The following BFSP1 variants were observed in gnomAD, a reference collection of about 807,000 sequenced individuals.
BFSP1 encodes the protein filensin.
A neutral mutation model predicts 43.9 loss-of-function variants in BFSP1; 38 were observed. That is an observed-to-expected ratio of 0.87 (90% CI 0.67 to 1.14). BFSP1 has a LOEUF of 1.14. BFSP1 is among the 50% of genes most tolerant of loss of function. The pLI, the probability that BFSP1 is intolerant of heterozygous loss-of-function variation, is 0.00. For missense variants in BFSP1, 850 were observed against 875.1 expected (o/e 0.97, Z 0.36); for synonymous variants, 352 against 354.8 (o/e 0.99, Z 0.09).
intron 2 of BFSP1, chr20:17,516,885 C>A: frequency 1.5e-6 from 1 of 673,984 alleles, no homozygotes. Context: ...GACCATCACC[C>A]TCAAGGTTGA....
At chr20:17,558,688 A>G (rs1568720955) in exon 1 of BFSP1, 6 of 1,551,998 alleles carry the variant, frequency 3.9e-6, no homozygotes, top group Admixed American at 2.0e-5. Flanking sequence ...GAACACTTAC[A>G]TACTTTCTCC....
upstream of BFSP1, among the ~76,000 whole-genome samples, chr20:17,559,809 G>A (rs150451639): frequency 1.3e-5 from 2 of 151,838 alleles, no homozygotes; most frequent in African/African-American, 2.4e-5. Context: ...CCAATCCCCC[G>A]CCAACCATCC....
upstream of BFSP1, among the ~76,000 whole-genome samples, chr20:17,561,442 C>T (rs1182445733): frequency 6.6e-6 from 1 of 151,280 alleles, no homozygotes; most frequent in East Asian, 1.9e-4. Flanking sequence ...GAGGTTGCAG[C>T]GAGCCCAGAT....
In BFSP1 at chr20:17,499,002, C is replaced by T; in HGVS notation, c.774G>A (p.Glu258=). 1.6e-5 allele frequency: 26 copies of T among 1,614,170 alleles called. No homozygotes were observed. Among genetic ancestry groups the T allele is most frequent in the Non-Finnish European group, 2.2e-5 (26 of 1,180,032 alleles). Residue 258 remains glutamate, a synonymous_variant, in exon 6 of 8, where the codon GAG becomes GAA. Coordinates refer to ENST00000377873, the MANE Select transcript of BFSP1 (RefSeq NM_001195.5). ...TLEQAIKSAH[E]CYDDEIQLYN... Reference sequence around the variant, plus strand: ...AAAGCTGAATCTCATCGTCATAACACTCATGGGCACTTTTAATAGCTTGTT... The same window carrying T: ...AAAGCTGAATCTCATCGTCATAACATTCATGGGCACTTTTAATAGCTTGTT...
In BFSP1 at chr20:17,508,977, C is replaced by A; in HGVS notation, c.647G>T (p.Arg216Leu). Residue 216 changes from arginine (R) to leucine (L), a missense_variant, in exon 5 of 8, where the codon CGG (arginine) becomes CTG (leucine). By Grantham distance (102) the Arg-to-Leu change is moderately radical. Coordinates refer to ENST00000377873, the MANE Select transcript of BFSP1 (RefSeq NM_001195.5). Reference protein sequence around the residue: ...GMREEKLLTEREVAALRSQLE... With the variant: ...GMREEKLLTELEVAALRSQLE... ...CTGACTCCGCAGGGCGGCCACCTCC[C>A]GCTCCGTCAGGAGCTTCTCCTGCAC... 6.3e-7 allele frequency: 1 copy of A among 1,592,630 alleles called. No individual in the cohort carries two copies. The highest frequency in any genetic ancestry group is 2.3e-5 in the East Asian group (1 of 43,792).
At position 17,525,050 on chromosome 20, in the gene BFSP1, G is replaced by T; in HGVS notation, c.378-142C>A. On this transcript the variant is annotated intron_variant, in intron 1 of 7. Coordinates refer to ENST00000377873, the MANE Select transcript of BFSP1 (RefSeq NM_001195.5). This position sits in a 1 kb window ranked among gnomAD's most constrained non-coding sequence, Gnocchi z 4.2. ...TCTTAATTTTAAAGTAGTAGCTAAC[G>T]AATGCTGCATTTCCTAGCTGACTGC... The T allele has an allele frequency of 1.4e-6, 1 of 732,398 alleles. No individual in the cohort carries two copies. The allele number at this position is 732,398 out of a possible 1,614,324, so 45.4% of individuals were successfully genotyped here. A position where few individuals can be genotyped will look rare whatever the true frequency, so the allele number is the denominator to read the frequency against.
At chr20:17,508,509 TG>T (rs1389943206) in intron 5 of BFSP1, among the ~76,000 whole-genome samples, 1 of 152,206 alleles carries the variant, frequency 6.6e-6, no homozygotes, top group Non-Finnish European at 1.5e-5. Context: ...AAAATCCCTA[TG>T]GTGTCCGTTT....
At chr20:17,501,225 C>T (rs2033791710) in intron 5 of BFSP1, among the ~76,000 whole-genome samples, 2 of 152,208 alleles carry the variant, frequency 1.3e-5, no homozygotes, top group South Asian at 4.1e-4. Context: ...ACACTTTATG[C>T]CCTTGGATCA....
At position 17,498,947 on chromosome 20, in the gene BFSP1, C is replaced by T. The variant is rs2033724672; in HGVS notation, c.829G>A (p.Glu277Lys). 6.2e-7 allele frequency: 1 copy of T among 1,614,086 alleles called. No individual in the cohort carries two copies. Among genetic ancestry groups the T allele is most frequent in the Non-Finnish European group, 8.5e-7 (1 of 1,180,046 alleles). The change falls in exon 6 of 8, where the codon GAG becomes AAG. Residue 277 changes from glutamate (E) to lysine (K), a missense_variant. Coordinates refer to ENST00000377873, the MANE Select transcript of BFSP1 (RefSeq NM_001195.5). ...YNEQIETLRK[E>K]IEETERVLEK... ...AGGACCCGCTCTGTCTCCTCAATCTCCTTGCGCAGTGTCTCAATCTGCTCG... is the reference window on the plus strand; with the variant it reads ...AGGACCCGCTCTGTCTCCTCAATCTTCTTGCGCAGTGTCTCAATCTGCTCG...
At chr20:17,562,554 AATCCCAAAGG>A (rs2035077152), upstream of BFSP1, among the ~76,000 whole-genome samples, 2 of 140,770 alleles carry the variant, frequency 1.4e-5, no homozygotes, top group South Asian at 4.5e-4. Flanking sequence ...AAAAAAAAAG[AATCCCAAAGG>A]GAATATATAT....
chr20:17,543,693 A>G (rs1424818149), intron 1 of BFSP1, among the ~76,000 whole-genome samples: 1 of 152,248 alleles, frequency 6.6e-6, no homozygotes, highest in Non-Finnish European at 1.5e-5. Flanking sequence ...AAAATCCACC[A>G]GCAAAATGCC....
chr20:17,555,288 C>CAAAA (rs929219257), intron 1 of BFSP1, among the ~76,000 whole-genome samples: 73 of 43,814 alleles, frequency 1.7e-3, no homozygotes, highest in Middle Eastern at 0.014. Context: ...TCCTATCTCA[C>CAAAA]AAAAAAAAAA....
At chr20:17,534,318 G>C (rs1426882949), upstream of BFSP1, among the ~76,000 whole-genome samples, 1 of 152,222 alleles carries the variant, frequency 6.6e-6, no homozygotes, top group Non-Finnish European at 1.5e-5. Context: ...CTGAGGTTAA[G>C]TTCTGGTCCC....
At chr20:17,566,000 C>A (rs2035114283) in intron 1 of BFSP1, 1 of 151,744 alleles carries the variant, frequency 6.6e-6, no homozygotes. Context: ...TGCCTGTAAT[C>A]CCAGCTACTC....
In BFSP1 at chr20:17,494,368, C is replaced by T. The variant is rs1317947125; in HGVS notation, c.1704G>A (p.Glu568=). Residue 568 remains glutamate (E), a synonymous_variant, in exon 8 of 8, where the codon GAG becomes GAA. Transcript: ENST00000377873. ...EKREGEERDE[E]SRRPCAMVTP... is the part of the protein sequence containing the mutation. ...TGACCATGGCACAGGGTCTCCTGGA[C>T]TCTTCGTCCCGCTCCTCACCCTCAC... The T allele has an allele frequency of 6.2e-7, 1 of 1,614,222 alleles. No homozygotes were observed. Among genetic ancestry groups the T allele is most frequent in the Non-Finnish European group, 8.5e-7 (1 of 1,180,040 alleles).
At chr20:17,558,600 C>T (rs374523368) in intron 1 of BFSP1, 57 of 1,399,568 alleles carry the variant, frequency 4.1e-5, no homozygotes, top group East Asian at 3.5e-4. Context: ...GTACCTTCTA[C>T]GGGAGTTTCT....
intron 5 of BFSP1, among the ~76,000 whole-genome samples, chr20:17,501,867 G>T (rs1294707327): frequency 6.6e-6 from 1 of 152,232 alleles, no homozygotes; most frequent in African/African-American, 2.4e-5. Context: ...CTGGAAAGGG[G>T]TCTCAGAAAT....
intron 3 of BFSP1, among the ~76,000 whole-genome samples, chr20:17,512,898 A>G (rs1372621659): frequency 6.6e-6 from 1 of 152,116 alleles, no homozygotes; most frequent in African/African-American, 2.4e-5. Context: ...AAACAGGGAT[A>G]ACTATCTGTA....
intron 3 of BFSP1, among the ~76,000 whole-genome samples, chr20:17,514,440 G>A (rs957868121): frequency 6.6e-6 from 1 of 152,158 alleles, no homozygotes; most frequent in Non-Finnish European, 1.5e-5. Context: ...GCTTAATGAA[G>A]ACAGATCTAT....
Sources: allele counts gnomAD v4.1 joint callset (sites outside exome capture counted in the v4.1 genomes callset), GRCh38; gene constraint gnomAD v4.1.1; non-coding constraint Gnocchi (gnomAD v3.1); transcripts MANE v1.5; gene names NCBI Gene and HGNC (gene_info 2026-07-23, HGNC 2026-07-21).